Variants in DLG2 observed in about 807,000 individuals in gnomAD.
The protein encoded by DLG2 is disks large homolog 2.
In DLG2, 45 loss-of-function variants were observed where a neutral mutation model predicts 132.5. The observed-to-expected ratio is 0.34, with a 90% CI of 0.27 to 0.44. The LOEUF (loss-of-function observed/expected upper bound fraction) is 0.44. Among genes scored for constraint, DLG2 ranks in the 20% least tolerant of loss-of-function variants. The pLI is 1.00. For missense variants in DLG2, 1,045 were observed against 1,196.9 expected (o/e 0.87, Z 1.87); for synonymous variants, 424 against 419.6 (o/e 1.01, Z -0.13).
intron 3 of DLG2, among the ~76,000 whole-genome samples, chr11:85,510,685 C>A (rs1445095310): frequency 6.6e-6 from 1 of 152,124 alleles, no homozygotes; most frequent in African/African-American, 2.4e-5. Context: ...CCACCTCACG[C>A]CAGTTAGAAT....
chr11:85,293,400 G>A (rs2079031569), intron 3 of DLG2, among the ~76,000 whole-genome samples: 1 of 152,016 alleles, frequency 6.6e-6, no homozygotes, highest in South Asian at 2.1e-4. Context: ...CCTCATCTCT[G>A]CAAAAAATAA....
At chr11:85,612,758 C>T (rs1387414342) in intron 2 of DLG2, among the ~76,000 whole-genome samples, 1 of 152,204 alleles carries the variant, frequency 6.6e-6, no homozygotes, top group African/African-American at 2.4e-5. Context: ...AATACCCCTA[C>T]TTATAGGGTT....
intron 15 of DLG2, among the ~76,000 whole-genome samples, chr11:83,922,555 T>C (rs1287517218): frequency 6.6e-6 from 1 of 152,264 alleles, no homozygotes; most frequent in East Asian, 1.9e-4. Context: ...CATAAGAAGG[T>C]CACTGATTTG....
chr11:84,961,526 TTGTGTGTGTGTGTGTGTGTGTGTG>T (rs71465017), intron 6 of DLG2, among the ~76,000 whole-genome samples: 10 of 143,892 alleles, frequency 6.9e-5, no homozygotes, highest in Admixed American at 5.6e-4. Flanking sequence ...AATTGTATCT[TTGTGTGTGTGTGTGTGTGTGTGTG>T]TGTGTGTGTG....
At position 84,313,360 on chromosome 11, in the gene DLG2, C is replaced by T. The variant is rs866715706; in HGVS notation, c.520-62069G>A. 3.9e-5 allele frequency among the ~76,000 whole-genome samples: 6 copies of T among 151,956 alleles called. No homozygotes were observed. The East Asian group carries it at 1.2e-3, about 29-fold the overall frequency. On this transcript the variant is annotated intron_variant, in intron 7 of 27. Transcript: ENST00000376104. ...GAACTTCTGGCCTCTAGTGATCCAC[C>T]TGCCTCTGCCTCCCAAGTGCTGGGA...
chr11:85,272,916 A>G (rs925848489), intron 4 of DLG2, among the ~76,000 whole-genome samples: 12 of 152,200 alleles, frequency 7.9e-5, no homozygotes, highest in African/African-American at 1.9e-4. Flanking sequence ...ATATAGACCA[A>G]TGAAACAGAA....
intron 3 of DLG2, among the ~76,000 whole-genome samples, chr11:85,471,992 C>A (rs2092998835): frequency 6.6e-6 from 1 of 152,148 alleles, no homozygotes; most frequent in Admixed American, 6.5e-5. Flanking sequence ...AAATTGATCA[C>A]AGCAGGAGGC....
At chr11:84,915,936 G>A (rs549723802) in intron 6 of DLG2, among the ~76,000 whole-genome samples, 2 of 152,122 alleles carry the variant, frequency 1.3e-5, no homozygotes, top group South Asian at 4.1e-4. Flanking sequence ...ACTCATTTAA[G>A]AACTAGGGCA....
intron 6 of DLG2, among the ~76,000 whole-genome samples, chr11:84,800,356 G>A (rs1487717915): frequency 6.6e-6 from 1 of 152,146 alleles, no homozygotes; most frequent in Non-Finnish European, 1.5e-5. Context: ...TCAAAATGCA[G>A]CATACAGAGC....
At chr11:85,253,178 C>A (rs1914376) in intron 4 of DLG2, among the ~76,000 whole-genome samples, 1 of 152,246 alleles carries the variant, frequency 6.6e-6, no homozygotes, top group African/African-American at 2.4e-5. Flanking sequence ...GGATCTGAGA[C>A]AAGTGATACC....
intron 7 of DLG2, among the ~76,000 whole-genome samples, chr11:84,451,005 A>ACATGTACC (rs1370224943): frequency 6.6e-6 from 1 of 151,932 alleles, no homozygotes; most frequent in Non-Finnish European, 1.5e-5. Context: ...ACAAACCTGC[A>ACATGTACC]CATGTACCCT....
intron 7 of DLG2, among the ~76,000 whole-genome samples, chr11:84,280,204 T>C (rs762976248): frequency 2.6e-5 from 4 of 152,216 alleles, no homozygotes; most frequent in East Asian, 1.9e-4. Flanking sequence ...CAAAGATCAA[T>C]TGTGTCTCTA....
At chr11:85,583,381 C>T (rs908245537) in intron 3 of DLG2, among the ~76,000 whole-genome samples, 1 of 150,324 alleles carries the variant, frequency 6.7e-6, no homozygotes, top group South Asian at 2.1e-4. Flanking sequence ...GAGACAGGGT[C>T]TCACAATGTT....
At chr11:83,748,832 G>T (rs1468897353) in intron 18 of DLG2, among the ~76,000 whole-genome samples, 2 of 152,018 alleles carry the variant, frequency 1.3e-5, no homozygotes, top group Non-Finnish European at 2.9e-5. Context: ...CTACTACTTT[G>T]TTCCCCTCCA....
chr11:85,190,800 C>G (rs890539673), intron 4 of DLG2, among the ~76,000 whole-genome samples: 2 of 151,978 alleles, frequency 1.3e-5, no homozygotes, highest in Non-Finnish European at 1.5e-5. Flanking sequence ...AAATCAAAAC[C>G]ACAATGAAAT....
intron 17 of DLG2, among the ~76,000 whole-genome samples, chr11:83,824,992 T>C (rs1184077393): frequency 6.6e-6 from 1 of 151,728 alleles, no homozygotes; most frequent in East Asian, 1.9e-4. Flanking sequence ...TAATTTTGTT[T>C]CCCTACACAG....
At chr11:84,708,765 G>A (rs1305818870) in intron 6 of DLG2, among the ~76,000 whole-genome samples, 2 of 151,748 alleles carry the variant, frequency 1.3e-5, no homozygotes, top group African/African-American at 4.8e-5. Context: ...TGGGGAAATA[G>A]CTACAGCAAA....
At chr11:84,454,226 T>C (rs1231401184) in intron 7 of DLG2, among the ~76,000 whole-genome samples, 3 of 151,344 alleles carry the variant, frequency 2.0e-5, no homozygotes, top group African/African-American at 7.3e-5. Context: ...GATGATAAGG[T>C]ACAAAGGAAG....
At chr11:83,930,617 C>T (rs962218285) in intron 14 of DLG2, 134 bp from the exon 15 acceptor site, 4 of 902,780 alleles carry the variant, frequency 4.4e-6, no homozygotes, top group Non-Finnish European at 6.5e-6. Context: ...TAAAAGAAAC[C>T]CAATTTTCCA....
Sources: allele counts gnomAD v4.1 joint callset (sites outside exome capture counted in the v4.1 genomes callset), GRCh38; gene constraint gnomAD v4.1.1; transcripts MANE v1.5; gene names NCBI Gene and HGNC (gene_info 2026-07-23, HGNC 2026-07-21).